DOCK1: variants seen among roughly 807,000 people sequenced by gnomAD.
DOCK1 encodes dedicator of cytokinesis protein 1.
Under a neutral mutation model 262.7 loss-of-function variants are expected in DOCK1, and 138 were observed. The ratio of observed to expected loss-of-function variants is 0.53; its 90% CI spans 0.46 to 0.61. DOCK1 has a LOEUF of 0.61. Among genes scored for constraint, DOCK1 ranks in the 20% least tolerant of loss-of-function variants. DOCK1 has a pLI of 0.00. For synonymous variants in DOCK1, 866 were observed against 867.4 expected (o/e 1.00, Z 0.03); for missense variants, 1,908 against 2,370.7 (o/e 0.80, Z 4.05).
intron 15 of DOCK1, 95 bp from the exon 16 acceptor site, chr10:127,026,257 T>C (rs1347996693): frequency 1.7e-6 from 2 of 1,174,262 alleles, no homozygotes; most frequent in East Asian, 2.6e-5. Context: ...CAGTTAGAAA[T>C]GTTTACAGTT....
At chr10:127,193,020 A>C (rs1313716074) in intron 27 of DOCK1, among the ~76,000 whole-genome samples, 6 of 152,228 alleles carry the variant, frequency 3.9e-5, no homozygotes, top group Admixed American at 3.9e-4. Context: ...CATGGTAATG[A>C]AAGTGTCGTC....
intron 51 of DOCK1, 119 bp from the exon 52 acceptor site, chr10:127,451,213 C>T: frequency 8.8e-7 from 1 of 1,141,062 alleles, no homozygotes; most frequent in Non-Finnish European, 1.3e-6. Flanking sequence ...GAGCCCAACT[C>T]ATGTGGGGAG....
intron 22 of DOCK1, among the ~76,000 whole-genome samples, chr10:127,059,477 C>T (rs1286671611): frequency 1.3e-5 from 2 of 152,270 alleles, no homozygotes; most frequent in East Asian, 1.9e-4. Context: ...TCCTAGCCCT[C>T]TTCTGTATTC....
In DOCK1 at chr10:126,998,122, C is replaced by T; in HGVS notation, c.640C>T (p.Gln214Ter). ...AAAGCAGAACATAGATATTAACAGA[C>T]AAGCCAAGTTTGCTGCAACCCCTTC... Reference protein sequence around the residue: ...SQKQNIDINRQAKFAATPSLA... With the variant: ...SQKQNIDINR The change falls in exon 8 of 52, where the codon CAA (glutamine) becomes TAA (stop). Residue 214 changes from glutamine to a stop codon, truncating the protein, a stop_gained. Coordinates refer to ENST00000623213, the MANE Select transcript of DOCK1 (RefSeq NM_001290223.2). LOFTEE classifies it high-confidence loss of function. 6.2e-7 allele frequency: 1 copy of T among 1,614,034 alleles called. No homozygotes were observed. Among genetic ancestry groups the T allele is most frequent in the Non-Finnish European group, 8.5e-7 (1 of 1,179,898 alleles).
intron 30 of DOCK1, among the ~76,000 whole-genome samples, chr10:127,340,435 G>C (rs1025398768): frequency 2.6e-5 from 4 of 151,950 alleles, no homozygotes; most frequent in Admixed American, 6.6e-5. Flanking sequence ...ATCATACCCT[G>C]TGTTTTTCAG....
At position 127,433,407 on chromosome 10, in the gene DOCK1, C is replaced by A; in HGVS notation, c.5039C>A (p.Pro1680His). ...TCTTCCCTCTCATCGGACAGCACCCCTTCCAGACCAGGCTCCGACGGGTGA... is the reference window on the plus strand; with the variant it reads ...TCTTCCCTCTCATCGGACAGCACCCATTCCAGACCAGGCTCCGACGGGTGA... ...SVSSLSSDSTPSRPGSDGFAL... is the reference protein window; with the variant it reads ...SVSSLSSDSTHSRPGSDGFAL... The change falls in exon 48 of 52, where the codon CCT becomes CAT. Residue 1680 changes from proline (P) to histidine (H), a missense_variant. Coordinates refer to ENST00000623213, the MANE Select transcript of DOCK1 (RefSeq NM_001290223.2). 1 of 1,614,022 alleles carries A rather than the reference C, an allele frequency of 6.2e-7. No individual in the cohort carries two copies. Among genetic ancestry groups the A allele is most frequent in the Non-Finnish European group, 8.5e-7 (1 of 1,179,898 alleles).
At chr10:127,440,619 A>G (rs1260597558) in intron 49 of DOCK1, among the ~76,000 whole-genome samples, 1 of 152,216 alleles carries the variant, frequency 6.6e-6, no homozygotes, top group African/African-American at 2.4e-5. Flanking sequence ...CTTAAAACCC[A>G]GAAGGTACGT....
intron 5 of DOCK1, 147 bp downstream of exon 5, chr10:126,987,764 GC>G (rs2039513352): frequency 1.3e-6 from 1 of 771,916 alleles, no homozygotes. Flanking sequence ...GGCAAAGGAA[GC>G]GACATGGCTG....
At chr10:127,037,691 A>AGAT in intron 18 of DOCK1, 28 bp from the exon 19 acceptor site, 1 of 1,545,370 alleles carries the variant, frequency 6.5e-7, no homozygotes. Context: ...TTGCTTGTGA[A>AGAT]GATCTGATTG....
Position 127,164,721 on chromosome 10 carries a change from T to C in DOCK1, c.2847+36957T>C, listed in dbSNP as rs190448845. 1.9e-3 allele frequency among the ~76,000 whole-genome samples: 291 copies of C among 152,360 alleles called. 2 individuals carry two copies. The highest frequency in any genetic ancestry group is 5.7e-3 in the Admixed American group (87 of 15,306). On this transcript the variant is annotated intron_variant, in intron 27 of 51. Transcript: ENST00000623213. ...GTGCCTTTTAATCATATTTTCATAA[T>C]ATAAAATCATAACATAAATATCAGG...
intron 38 of DOCK1, among the ~76,000 whole-genome samples, chr10:127,393,229 C>T (rs2066601870): frequency 6.6e-6 from 1 of 152,142 alleles, no homozygotes; most frequent in Non-Finnish European, 1.5e-5. Context: ...CTCAGTTAAG[C>T]TTGGAGACCA....
intron 19 of DOCK1, among the ~76,000 whole-genome samples, chr10:127,039,829 G>A (rs1383955844): frequency 1.3e-5 from 2 of 152,204 alleles, no homozygotes; most frequent in Non-Finnish European, 2.9e-5. Flanking sequence ...ATTGAGGAAG[G>A]TATTTGTGTA....
chr10:127,112,751 C>G (rs569116327), intron 25 of DOCK1, among the ~76,000 whole-genome samples: 1 of 152,170 alleles, frequency 6.6e-6, no homozygotes, highest in East Asian at 1.9e-4. Flanking sequence ...TACAAGCAGC[C>G]CCAGAATTGC....
intron 22 of DOCK1, among the ~76,000 whole-genome samples, chr10:127,053,505 C>G (rs939618217): frequency 1.3e-5 from 2 of 152,180 alleles, no homozygotes; most frequent in African/African-American, 4.8e-5. Flanking sequence ...AGGAAGGATA[C>G]TCAGGTGCTT....
intron 27 of DOCK1, among the ~76,000 whole-genome samples, chr10:127,148,896 G>A (rs967156395): frequency 1.3e-5 from 2 of 152,070 alleles, no homozygotes; most frequent in African/African-American, 2.4e-5. Flanking sequence ...CATCACAACC[G>A]AAGGGATGTC....
intron 11 of DOCK1, among the ~76,000 whole-genome samples, chr10:127,011,688 T>C (rs908042958): frequency 2.0e-5 from 3 of 151,662 alleles, no homozygotes; most frequent in Non-Finnish European, 4.4e-5. Flanking sequence ...CCACACACGG[T>C]ACCATTCTTC....
chr10:126,926,259 T>C lies in DOCK1; in HGVS notation c.46+20696T>C, dbSNP rs184055019. On this transcript the variant is annotated intron_variant, in intron 1 of 51. Transcript: ENST00000623213. Reference sequence around the variant, plus strand: ...TCTGTTTTCTTTTCTTTCTTTCTTTTTTTTTTTTAAATACTAGAGAGCTGT... The same window carrying C: ...TCTGTTTTCTTTTCTTTCTTTCTTTCTTTTTTTTAAATACTAGAGAGCTGT... Among the ~76,000 whole-genome samples, 307 of 152,002 alleles carry C rather than the reference T, an allele frequency of 2.0e-3. 1 individual carries two copies. The highest frequency in any genetic ancestry group is 6.8e-3 in the African/African-American group (280 of 41,464).
At chr10:126,984,620 T>C (rs2039227701) in intron 4 of DOCK1, among the ~76,000 whole-genome samples, 1 of 151,994 alleles carries the variant, frequency 6.6e-6, no homozygotes, top group Admixed American at 6.6e-5. Flanking sequence ...CTGCCTGCCT[T>C]GGCCTCCCAA....
intron 27 of DOCK1, among the ~76,000 whole-genome samples, chr10:127,160,654 A>G (rs538373370): frequency 3.4e-4 from 52 of 152,338 alleles, no homozygotes; most frequent in African/African-American, 1.0e-3. Context: ...GGGTATGGCA[A>G]TTGTCACACT....
Sources: allele counts gnomAD v4.1 joint callset (sites outside exome capture counted in the v4.1 genomes callset), GRCh38; gene constraint gnomAD v4.1.1; transcripts MANE v1.5; gene names NCBI Gene and HGNC (gene_info 2026-07-23, HGNC 2026-07-21).